Variants in CLK2 observed in about 807,000 individuals in gnomAD.
CLK2 encodes the protein CDC like kinase 2.
In CLK2, 12 loss-of-function variants were observed where a neutral mutation model predicts 73.5. The ratio of observed to expected loss-of-function variants is 0.16; its 90% confidence interval spans 0.10 to 0.26. CLK2 has a LOEUF of 0.26. Among genes scored for constraint, CLK2 ranks in the 10% least tolerant of loss-of-function variants. The pLI, the probability that CLK2 is intolerant of heterozygous loss-of-function variation, is 1.00. For synonymous variants in CLK2, 232 were observed against 237.9 expected (o/e 0.98, Z 0.23); for missense variants, 509 against 688.4 (o/e 0.74, Z 2.92).
At position 155,270,867 on chromosome 1, in the gene CLK2, A is replaced by G. The variant is rs760076148; in HGVS notation, c.111T>C (p.Ser37=). The change falls in exon 2 of 13, where the codon AGT becomes AGC. Residue 37 remains serine (S), a synonymous_variant. Coordinates refer to ENST00000368361, the MANE Select transcript of CLK2 (RefSeq NM_001294338.2). ...HKRRRSRSWS[S]SSDRTRRRRR... ...GACGCCGTCGTGTCCGGTCACTACT[A>G]CTTGACCAGGAGCGACTTCTTCGTC... The G allele has an allele frequency of 1.2e-6, 2 of 1,614,074 alleles. No individual in the cohort carries two copies. Among genetic ancestry groups the G allele is most frequent in the Non-Finnish European group, 1.7e-6 (2 of 1,180,010 alleles).
At chr1:155,266,652 C>T in intron 7 of CLK2, 77 bp downstream of exon 7, 3 of 1,481,226 alleles carry the variant, frequency 2.0e-6, no homozygotes, top group Non-Finnish European at 2.7e-6. Flanking sequence ...TTAGGGGCTT[C>T]ACCAGTGCAC....
chr1:155,268,601 C>G lies in CLK2; in HGVS notation c.487+107G>C, dbSNP rs1214768064. The stretch of plus-strand genomic sequence containing the variant: ...CAGCAACTCAAACCACCCAGATAAA[C>G]AACACCACTGAGAAAAGGCAAGAGG... On this transcript the variant is annotated intron_variant, in intron 4 of 12. Coordinates refer to ENST00000368361, the MANE Select transcript of CLK2 (RefSeq NM_001294338.2). This position sits in a 1 kb window ranked among gnomAD's most constrained non-coding sequence, Gnocchi z 5.6. 8.2e-6 allele frequency: 9 copies of G among 1,092,642 alleles called. No individual in the cohort carries two copies. The highest frequency in any genetic ancestry group is 2.0e-4 in the Middle Eastern group (1 of 4,982). 67.7% of individuals were successfully genotyped at this position (1,092,642 alleles called of 1,614,324 possible). A position where few individuals can be genotyped will look rare whatever the true frequency, so the allele number is the denominator to read the frequency against.
chr1:155,271,944 CA>C (rs1308744995), intron 1 of CLK2, among the ~76,000 whole-genome samples: 2 of 151,774 alleles, frequency 1.3e-5, no homozygotes, highest in African/African-American at 2.4e-5. Flanking sequence ...TAGTAGGCCA[CA>C]AAATACAGTC....
intron 1 of CLK2, among the ~76,000 whole-genome samples, chr1:155,272,630 T>C (rs1454548085): frequency 6.6e-6 from 1 of 152,170 alleles, no homozygotes; most frequent in Non-Finnish European, 1.5e-5. Flanking sequence ...TGATGCATTC[T>C]TGGTGTAACT....
At chr1:155,272,556 C>T (rs1054976091) in intron 1 of CLK2, among the ~76,000 whole-genome samples, 3 of 152,032 alleles carry the variant, frequency 2.0e-5, no homozygotes, top group Admixed American at 1.3e-4. Context: ...TTAATGATTC[C>T]GATGTCTGAC....
At chr1:155,264,447 G>T in intron 10 of CLK2, 21 bp downstream of exon 10, 5 of 1,613,020 alleles carry the variant, frequency 3.1e-6, no homozygotes, top group Non-Finnish European at 4.2e-6. Context: ...AGGCAGTCAA[G>T]TAAGACATCC....
chr1:155,269,009 A>G lies in CLK2; in HGVS notation c.400-214T>C. 1.2e-5 allele frequency: 7 copies of G among 603,288 alleles called. No individual in the cohort carries two copies. The South Asian group carries it at 1.3e-4, about 12-fold the overall frequency. The allele number at this position is 603,288 out of a possible 1,614,324, so 37.4% of individuals were successfully genotyped here. A position where few individuals can be genotyped will look rare whatever the true frequency, so the allele number is the denominator to read the frequency against. On this transcript the variant is annotated intron_variant, in intron 3 of 12. Transcript: ENST00000368361. ...CATAATCCCAAGTCCCCAAACCCAA[A>G]ACAGGAACAGGGAGAGGCATGGGCA...
intron 1 of CLK2, 114 bp from the exon 2 acceptor site, chr1:155,271,091 T>G (rs1329977482): frequency 2.8e-6 from 3 of 1,080,056 alleles, no homozygotes; most frequent in Non-Finnish European, 4.1e-6. Flanking sequence ...TCTGCCTCTT[T>G]TTACCAGGCA....
In CLK2 at chr1:155,268,076, T is replaced by G. The variant is rs1673317682; in HGVS notation, c.605A>C (p.Lys202Thr). ...LKIIKNVEKY[K>T]EAARLEINVL... ...GTTGATCTCAAGTCGAGCTGCTTCCTTGTACTTCTCCACATTCTTAATGAT... is the reference window on the plus strand; with the variant it reads ...GTTGATCTCAAGTCGAGCTGCTTCCGTGTACTTCTCCACATTCTTAATGAT... The change falls in exon 6 of 13, where the codon AAG (lysine) becomes ACG (threonine). Residue 202 changes from lysine (K) to threonine (T), a missense_variant. This residue lies in a region of CLK2 where 76 missense variants were observed against 126.4 expected (regional missense o/e 0.60). Transcript: ENST00000368361. The surrounding 1 kb of genome is among the most constrained non-coding windows in gnomAD (Gnocchi z 5.6). The G allele has an allele frequency of 6.2e-7, 1 of 1,614,194 alleles. No individual in the cohort carries two copies. Among genetic ancestry groups the G allele is most frequent in the Non-Finnish European group, 8.5e-7 (1 of 1,180,024 alleles).
intron 6 of CLK2, 121 bp downstream of exon 6, chr1:155,267,889 A>G: frequency 1.4e-6 from 1 of 721,908 alleles, no homozygotes. Flanking sequence ...AAGATGATGA[A>G]CAAAAGATGA....
intron 1 of CLK2, among the ~76,000 whole-genome samples, chr1:155,271,907 C>T (rs1572023747): frequency 6.6e-6 from 1 of 152,166 alleles, no homozygotes; most frequent in South Asian, 2.1e-4. Context: ...ACATCTTTGG[C>T]CAACTCTCCC....
intron 2 of CLK2, 44 bp downstream of exon 2, chr1:155,270,764 G>A (rs1402199623): frequency 6.4e-7 from 1 of 1,570,340 alleles, no homozygotes. Context: ...ACAAAGGAAT[G>A]AGCGAGTGAC....
Position 155,270,897 on chromosome 1 carries a change from A to G in CLK2, c.81T>C (p.His27=). The change falls in exon 2 of 13, where the codon CAT becomes CAC. Residue 27 remains histidine (H), a synonymous_variant. Transcript: ENST00000368361. ...SYREHYRSRK[H]KRRRSRSWSS... is the part of the protein sequence containing the mutation. ...ACCAGGAGCGACTTCTTCGTCGCTT[A>G]TGCTTTCGGCTCCGATAGTGTTCAC... 6.2e-7 allele frequency: 1 copy of G among 1,614,156 alleles called. No individual in the cohort carries two copies. The highest frequency in any genetic ancestry group is 8.5e-7 in the Non-Finnish European group (1 of 1,180,036).
In CLK2 at chr1:155,269,732, T is replaced by C. The variant is rs752441956; in HGVS notation, c.171-16A>G. 1.9e-6 allele frequency: 3 copies of C among 1,608,058 alleles called. No individual in the cohort carries two copies. The highest frequency in any genetic ancestry group is 4.5e-5 in the East Asian group (2 of 44,872). On this transcript the variant is annotated splice_polypyrimidine_tract_variant and intron_variant, in intron 2 of 12. Coordinates refer to ENST00000368361, the MANE Select transcript of CLK2 (RefSeq NM_001294338.2). ...ATCATAACTGCTGTTGGATAACAAA[T>C]ACCAATGAGGTGTATCTGTTCAGAT...
At chr1:155,265,297 T>C (rs932731267) in intron 8 of CLK2, among the ~76,000 whole-genome samples, 1 of 152,160 alleles carries the variant, frequency 6.6e-6, no homozygotes, top group African/African-American at 2.4e-5. Flanking sequence ...CCAGGCACTG[T>C]GGCTCACACC....
Position 155,268,803 on chromosome 1 carries a change from G to A in CLK2, c.400-8C>T, listed in dbSNP as rs905622445. ...TCTCCGGCTGCTGTGCTGCTGTCGGGGGGCAGGGGGGGTCGGAGCAAGCCA... is the reference window on the plus strand; with the variant it reads ...TCTCCGGCTGCTGTGCTGCTGTCGGAGGGCAGGGGGGGTCGGAGCAAGCCA... On this transcript the variant is annotated splice_polypyrimidine_tract_variant and splice_region_variant and intron_variant, in intron 3 of 12. Coordinates refer to ENST00000368361, the MANE Select transcript of CLK2 (RefSeq NM_001294338.2). This position sits in a 1 kb window ranked among gnomAD's most constrained non-coding sequence, Gnocchi z 5.6. 1 of 1,609,810 alleles carries A rather than the reference G, an allele frequency of 6.2e-7. No individual in the cohort carries two copies. The highest frequency in any genetic ancestry group is 8.5e-7 in the Non-Finnish European group (1 of 1,178,620).
intron 8 of CLK2, 127 bp downstream of exon 8, chr1:155,265,733 G>C (rs1361146137): frequency 2.7e-6 from 2 of 749,116 alleles, no homozygotes; most frequent in African/African-American, 3.4e-5. Context: ...GTTTTACCCA[G>C]TTGGAGCCAG....
intron 2 of CLK2, among the ~76,000 whole-genome samples, chr1:155,270,468 CCA>C (rs1165551608): frequency 6.6e-6 from 1 of 152,172 alleles, no homozygotes; most frequent in African/African-American, 2.4e-5. Flanking sequence ...CCTGTAGCTC[CCA>C]GTCCTTTGCA....
intron 6 of CLK2, among the ~76,000 whole-genome samples, chr1:155,267,550 G>T (rs944513626): frequency 1.3e-5 from 2 of 152,174 alleles, no homozygotes; most frequent in Admixed American, 1.3e-4. Context: ...TTCACCACTA[G>T]CTACCACTGG....
Sources: allele counts gnomAD v4.1 joint callset (sites outside exome capture counted in the v4.1 genomes callset), GRCh38; gene constraint gnomAD v4.1.1; regional missense constraint gnomAD v4.1.1; non-coding constraint Gnocchi (gnomAD v3.1); transcripts MANE v1.5; gene names NCBI Gene and HGNC (gene_info 2026-07-23, HGNC 2026-07-21).